Variants in APP observed in about 807,000 individuals in gnomAD.
APP encodes amyloid-beta precursor protein.
Under a neutral mutation model 101.4 loss-of-function variants are expected in APP, and 31 were observed. The observed-to-expected ratio is 0.31, with a 90% CI of 0.23 to 0.41. APP has a LOEUF of 0.41. Ranked by LOEUF, APP falls within the 10% of genes least tolerant of loss-of-function variation. The pLI, the probability that APP is intolerant of heterozygous loss-of-function variation, is 1.00. For synonymous variants in APP, 366 were observed against 364.4 expected (o/e 1.00, Z -0.05); for missense variants, 839 against 1,003.7 (o/e 0.84, Z 2.22).
chr21:26,169,691 A>C (rs2063698494), intron 1 of APP, among the ~76,000 whole-genome samples: 1 of 152,180 alleles, frequency 6.6e-6, no homozygotes, highest in African/African-American at 2.4e-5. Context: ...GCCGGGCGGG[A>C]GCCTCGGTGG....
chr21:26,031,712 C>T (rs1431977575), intron 5 of APP, among the ~76,000 whole-genome samples: 1 of 68 alleles, frequency 0.015, no homozygotes, highest in African/African-American at 0.083. Flanking sequence ...CCCCTGGGTC[C>T]CTCCACAACA....
rs148969542 is a variant in APP at position 26,108,971 on chromosome 21, C to T, written c.225+3008G>A. 6.6e-5 allele frequency among the ~76,000 whole-genome samples: 10 copies of T among 152,210 alleles called. No individual in the cohort carries two copies. In the South Asian group the frequency reaches 1.4e-3, roughly 22 times the overall value. On this transcript the variant is annotated intron_variant, in intron 2 of 17. Transcript: ENST00000346798. ...TGTTGCTACAAAATAAAGCCCAAAT[C>T]CATTAAAATGGCTCACAAGGTATGA... is the stretch of plus-strand genomic sequence containing the variant.
At chr21:25,886,779 C>T (rs1601271786) in intron 17 of APP, among the ~76,000 whole-genome samples, 1 of 152,084 alleles carries the variant, frequency 6.6e-6, no homozygotes, top group Non-Finnish European at 1.5e-5. Flanking sequence ...TCTGCACCCC[C>T]CCTCACTTTT....
intron 9 of APP, among the ~76,000 whole-genome samples, chr21:25,978,387 A>G (rs1266072607): frequency 6.6e-6 from 1 of 152,142 alleles, no homozygotes; most frequent in Non-Finnish European, 1.5e-5. Flanking sequence ...AAATCTATCT[A>G]ATTTAATTGA....
intron 17 of APP, among the ~76,000 whole-genome samples, chr21:25,884,609 C>T (rs1232174493): frequency 6.6e-6 from 1 of 152,118 alleles, no homozygotes; most frequent in African/African-American, 2.4e-5. Flanking sequence ...AGGAGACAGC[C>T]TATCTGCAGC....
rs138413927 is a variant in APP, at chr21:25,940,537, T to G, written c.1687+14053A>C. On this transcript the variant is annotated intron_variant, in intron 13 of 17. Coordinates refer to ENST00000346798, the MANE Select transcript of APP (RefSeq NM_000484.4). ...ATTACATTTTCATTGGTATTAATAA[T>G]AAGAAGTTGTTCACCTTTTAATCTA... Among the ~76,000 whole-genome samples, 344 of 152,334 alleles carry G rather than the reference T, an allele frequency of 2.3e-3. 2 individuals carry two copies. Among genetic ancestry groups the G allele is most frequent in the African/African-American group, 7.9e-3 (330 of 41,574 alleles).
At chr21:25,981,649 A>T in intron 9 of APP, among the ~76,000 whole-genome samples, 1 of 151,770 alleles carries the variant, frequency 6.6e-6, no homozygotes. Context: ...TTTAGACATA[A>T]GTTATTTTTT....
At position 25,982,365 on chromosome 21, in the gene APP, C is replaced by T; in HGVS notation, c.1203G>A (p.Lys401=). 1.2e-6 allele frequency: 2 copies of T among 1,613,822 alleles called. No individual in the cohort carries two copies. The highest frequency in any genetic ancestry group is 1.1e-5 in the South Asian group (1 of 91,052). Residue 401 remains lysine (K), a synonymous_variant, in exon 9 of 18, where the codon AAG becomes AAA. Coordinates refer to ENST00000346798, the MANE Select transcript of APP (RefSeq NM_000484.4). The part of the protein sequence containing the change: ...FQKAKERLEA[K]HRERMSQVMR... Reference sequence around the variant, plus strand: ...TTACCTGGGACATTCTCTCTCGGTGCTTGGCCTCAAGCCTCTCTTTGGCTT... The same window carrying T: ...TTACCTGGGACATTCTCTCTCGGTGTTTGGCCTCAAGCCTCTCTTTGGCTT...
intron 3 of APP, among the ~76,000 whole-genome samples, chr21:26,058,646 ACT>A (rs1278655896): frequency 6.6e-6 from 1 of 152,030 alleles, no homozygotes; most frequent in Non-Finnish European, 1.5e-5. Flanking sequence ...ATCAAAACTG[ACT>A]CTGCTGCCAG....
At chr21:26,129,766 G>A (rs1210219122) in intron 1 of APP, among the ~76,000 whole-genome samples, 1 of 152,172 alleles carries the variant, frequency 6.6e-6, no homozygotes, top group African/African-American at 2.4e-5. Context: ...CATTAGTGCT[G>A]TTGTTTCCAT....
intron 4 of APP, among the ~76,000 whole-genome samples, chr21:26,051,650 T>A (rs1019455837): frequency 3.9e-5 from 6 of 152,184 alleles, no homozygotes; most frequent in Admixed American, 3.9e-4. Context: ...TCTGACTCTC[T>A]TGGTTCACTT....
At chr21:26,090,717 T>C (rs2061805851) in intron 2 of APP, among the ~76,000 whole-genome samples, 1 of 152,222 alleles carries the variant, frequency 6.6e-6, no homozygotes, top group Non-Finnish European at 1.5e-5. Flanking sequence ...ATATTATGTT[T>C]AGTAAAATTC....
intron 17 of APP, among the ~76,000 whole-genome samples, chr21:25,888,784 G>A (rs890174350): frequency 3.3e-5 from 5 of 152,162 alleles, no homozygotes; most frequent in Non-Finnish European, 4.4e-5. Context: ...AAAAAAGAGC[G>A]TTTTAATTCA....
At chr21:26,029,644 T>C (rs1032675797) in intron 5 of APP, among the ~76,000 whole-genome samples, 2 of 152,116 alleles carry the variant, frequency 1.3e-5, no homozygotes, top group East Asian at 1.9e-4. Flanking sequence ...TGAAAGGGAA[T>C]TGGCTGACAA....
chr21:25,912,731 AC>A (rs61341373), intron 13 of APP, among the ~76,000 whole-genome samples: 66 of 151,720 alleles, frequency 4.4e-4, no homozygotes, highest in African/African-American at 1.5e-3. Context: ...AGTGCCGCCT[AC>A]CCCCCCACTT....
In APP at chr21:26,170,730, T is replaced by A. The variant is rs1259391920; in HGVS notation, c.-110A>T. 2.6e-6 allele frequency: 3 copies of A among 1,163,784 alleles called. No individual in the cohort carries two copies. Among genetic ancestry groups the A allele is most frequent in the Admixed American group, 3.5e-5 (1 of 28,328 alleles). 72.1% of individuals were successfully genotyped at this position (1,163,784 alleles called of 1,614,324 possible). A position where few individuals can be genotyped will look rare whatever the true frequency, so the allele number is the denominator to read the frequency against. ...CGTCTCCCGGGGCCCCCGCGCACGC[T>A]CCTCCGCGTGCTCTCGCCTACCGCT... On this transcript the variant is annotated 5_prime_UTR_variant, in exon 1 of 18. Transcript: ENST00000346798.
At chr21:26,132,546 C>T (rs1162470805) in intron 1 of APP, among the ~76,000 whole-genome samples, 1 of 152,174 alleles carries the variant, frequency 6.6e-6, no homozygotes, top group Non-Finnish European at 1.5e-5. Flanking sequence ...CTCTCCTACT[C>T]GTGAACTAAT....
chr21:26,095,526 ATTAC>A (rs142564190), intron 2 of APP, among the ~76,000 whole-genome samples: 2,138 of 152,268 alleles, frequency 0.014, 53 homozygotes, highest in African/African-American at 0.05. Context: ...GTTGTTGTGA[ATTAC>A]TTACTGTGCC....
intron 11 of APP, among the ~76,000 whole-genome samples, chr21:25,972,611 A>T (rs953278579): frequency 2.4e-4 from 35 of 144,238 alleles, no homozygotes; most frequent in African/African-American, 8.9e-4. Context: ...ATCACAGCTC[A>T]CTGCAGTCTC....
Sources: gnomAD v4.1 joint callset for allele counts (sites outside exome capture counted in the v4.1 genomes callset) on GRCh38, gnomAD v4.1.1 for gene constraint, MANE v1.5 for transcripts, NCBI Gene and HGNC (gene_info 2026-07-23, HGNC 2026-07-21) for gene names.